Variants in CARMIL1 observed in about 807,000 individuals in gnomAD.
CARMIL1 encodes capping protein regulator and myosin 1 linker 1.
A neutral mutation model predicts 177.1 loss-of-function variants in CARMIL1; 90 were observed. That is an observed-to-expected ratio of 0.51 (90% CI 0.43 to 0.61). The LOEUF (loss-of-function observed/expected upper bound fraction) is 0.61, where lower values mean the gene tolerates loss of function less well. CARMIL1 is among the 20% of genes least tolerant of loss of function. The pLI is 0.00. For missense variants in CARMIL1, 1,380 were observed against 1,667.0 expected, an observed-to-expected ratio of 0.83 and a Z score of 3.00; for synonymous variants, 577 against 606.2, an observed-to-expected ratio of 0.95 and a Z score of 0.71.
chr6:25,525,263 G>A (rs1474284525), intron 23 of CARMIL1, among the ~76,000 whole-genome samples: 4 of 152,254 alleles, frequency 2.6e-5, no homozygotes, highest in South Asian at 2.1e-4. Flanking sequence ...ATTGAGAAAC[G>A]AGGATAAGAA....
intron 5 of CARMIL1, among the ~76,000 whole-genome samples, chr6:25,444,541 A>C (rs923779780): frequency 3.9e-5 from 6 of 151,986 alleles, no homozygotes; most frequent in African/African-American, 1.5e-4. Context: ...ACCGCCCGAC[A>C]GGCCCCGGTT....
chr6:25,441,243 T>A (rs1797712154), intron 5 of CARMIL1, among the ~76,000 whole-genome samples: 1 of 151,082 alleles, frequency 6.6e-6, no homozygotes, highest in Admixed American at 6.6e-5. Flanking sequence ...GAACTTGCAG[T>A]GAGCTATGCT....
intron 27 of CARMIL1, among the ~76,000 whole-genome samples, chr6:25,551,971 G>A (rs1275065031): frequency 6.6e-6 from 1 of 152,134 alleles, no homozygotes; most frequent in Non-Finnish European, 1.5e-5. Context: ...AAAGGCTGAT[G>A]ACTCTAAATC....
At chr6:25,317,232 A>G (rs1784347167) in intron 2 of CARMIL1, among the ~76,000 whole-genome samples, 1 of 152,066 alleles carries the variant, frequency 6.6e-6, no homozygotes, top group African/African-American at 2.4e-5. Flanking sequence ...CTGGGCTCAA[A>G]CAGTCCTTCC....
intron 35 of CARMIL1, among the ~76,000 whole-genome samples, chr6:25,609,549 G>A (rs1457112868): frequency 6.6e-6 from 1 of 151,698 alleles, no homozygotes. Context: ...TTTGTCCAGT[G>A]CCCAAAGTCT....
At chr6:25,412,749 T>C (rs147054686) in intron 2 of CARMIL1, among the ~76,000 whole-genome samples, 26 of 152,246 alleles carry the variant, frequency 1.7e-4, no homozygotes, top group African/African-American at 6.0e-4. Context: ...TTATGAGCCA[T>C]AAAACTCTAT....
intron 2 of CARMIL1, among the ~76,000 whole-genome samples, chr6:25,390,956 C>T (rs532320756): frequency 1.3e-5 from 2 of 152,358 alleles, no homozygotes; most frequent in African/African-American, 4.8e-5. Context: ...CCTGCCTTGG[C>T]CTCCCAAAGT....
chr6:25,449,692 C>G (rs959294053), intron 5 of CARMIL1, among the ~76,000 whole-genome samples: 1 of 152,080 alleles, frequency 6.6e-6, no homozygotes, highest in Middle Eastern at 3.2e-3. Flanking sequence ...CTTTCATCTA[C>G]AAAGGAAAGT....
rs1803582160 is a variant in CARMIL1, at chr6:25,495,190, A to G, written c.1300A>G (p.Thr434Ala). 1 of 1,612,802 alleles carries G rather than the reference A, an allele frequency of 6.2e-7. No homozygotes were observed. Among genetic ancestry groups the G allele is most frequent in the South Asian group, 1.1e-5 (1 of 90,958 alleles). The stretch of plus-strand genomic sequence containing the variant: ...TTTGATGCACATCAACCTTTCAGGC[A>G]CAAAACTGTCTCCTGAGCCCTTAAA... ...LALMHINLSG[T>A]KLSPEPLKAL... The change falls in exon 16 of 37, where the codon ACA becomes GCA. Residue 434 changes from threonine (T) to alanine (A), a missense_variant. By Grantham distance (58) the Thr-to-Ala change is moderately conservative. Coordinates refer to ENST00000329474, the MANE Select transcript of CARMIL1 (RefSeq NM_017640.6).
intron 2 of CARMIL1, among the ~76,000 whole-genome samples, chr6:25,330,044 T>A: frequency 6.6e-6 from 1 of 151,838 alleles, no homozygotes; most frequent in Non-Finnish European, 1.5e-5. Flanking sequence ...AGGTAGGGAG[T>A]TGAGGGCAAG....
At chr6:25,552,737 C>T (rs1326611896) in intron 27 of CARMIL1, among the ~76,000 whole-genome samples, 1 of 151,512 alleles carries the variant, frequency 6.6e-6, no homozygotes, top group Non-Finnish European at 1.5e-5. Flanking sequence ...ATAGATGAAC[C>T]ACTCCTCCCC....
At chr6:25,566,673 C>G (rs537125936) in intron 29 of CARMIL1, among the ~76,000 whole-genome samples, 1 of 152,308 alleles carries the variant, frequency 6.6e-6, no homozygotes, top group South Asian at 2.1e-4. Context: ...CCACATATCC[C>G]CAGTATCTAG....
At chr6:25,426,156 G>A (rs1291270777) in intron 3 of CARMIL1, among the ~76,000 whole-genome samples, 2 of 152,084 alleles carry the variant, frequency 1.3e-5, no homozygotes, top group African/African-American at 2.4e-5. Flanking sequence ...AAGTAATTGC[G>A]TTTTTTGCTA....
At chr6:25,526,150 CAAATAAATAAATAAATAAAT>C (rs71544642) in intron 23 of CARMIL1, among the ~76,000 whole-genome samples, 53 of 139,222 alleles carry the variant, frequency 3.8e-4, no homozygotes, top group African/African-American at 1.2e-3. Context: ...ACTAAAAATA[CAAATAAATAAATAAATAAAT>C]AAATAAATAA....
intron 8 of CARMIL1, among the ~76,000 whole-genome samples, chr6:25,460,145 G>GA (rs1800005661): frequency 6.6e-6 from 1 of 152,188 alleles, no homozygotes; most frequent in Admixed American, 6.5e-5. Flanking sequence ...CTCCACCAGG[G>GA]AAAATCAGGT....
At position 25,371,247 on chromosome 6, in the gene CARMIL1, C is replaced by G. The variant is rs112882126; in HGVS notation, c.139-48867C>G. ...GCACGTGTCTTTTTGATAGAATTAC[C>G]TCTTTTCCTTTTAGTAGTTGCCCAG... On this transcript the variant is annotated intron_variant, in intron 2 of 36. Coordinates refer to ENST00000329474, the MANE Select transcript of CARMIL1 (RefSeq NM_017640.6). 3.3e-3 allele frequency among the ~76,000 whole-genome samples: 495 copies of G among 152,164 alleles called. 1 individual carries two copies. Among genetic ancestry groups the G allele is most frequent in the African/African-American group, 9.1e-3 (379 of 41,522 alleles).
At chr6:25,286,614 T>G (rs1227798940) in intron 2 of CARMIL1, among the ~76,000 whole-genome samples, 1 of 152,238 alleles carries the variant, frequency 6.6e-6, no homozygotes, top group Non-Finnish European at 1.5e-5. Flanking sequence ...TCATTTGCTT[T>G]TTTACAAATT....
intron 5 of CARMIL1, among the ~76,000 whole-genome samples, chr6:25,448,683 G>A (rs1422932894): frequency 2.6e-5 from 4 of 152,124 alleles, no homozygotes; most frequent in African/African-American, 4.8e-5. Flanking sequence ...CTGGTTATTC[G>A]TCTGTTTCTC....
At chr6:25,618,134 C>T (rs956683476) in intron 36 of CARMIL1, among the ~76,000 whole-genome samples, 2 of 152,158 alleles carry the variant, frequency 1.3e-5, no homozygotes, top group East Asian at 1.9e-4. Context: ...CAGCATCTGG[C>T]TCTAATACCA....
Sources: gnomAD v4.1 joint callset for allele counts (sites outside exome capture counted in the v4.1 genomes callset) on GRCh38, gnomAD v4.1.1 for gene constraint, MANE v1.5 for transcripts, NCBI Gene and HGNC (gene_info 2026-07-23, HGNC 2026-07-21) for gene names.